RABGAP1: variants seen among roughly 807,000 people sequenced by gnomAD.
RABGAP1 encodes RAB GTPase activating protein 1.
In RABGAP1, 23 loss-of-function variants were observed where a neutral mutation model predicts 137.6. The observed-to-expected ratio is 0.17, with a 90% CI of 0.12 to 0.24. RABGAP1 has a LOEUF of 0.24. Ranked by LOEUF, RABGAP1 falls within the 10% of genes least tolerant of loss-of-function variation. The pLI, the probability that RABGAP1 is intolerant of heterozygous loss-of-function variation, is 1.00. For synonymous variants in RABGAP1, 451 were observed against 450.7 expected, an observed-to-expected ratio of 1.00 and a Z score of -0.01; for missense variants, 906 against 1,275.8, an observed-to-expected ratio of 0.71 and a Z score of 4.42.
chr9:122,946,404 A>G (rs1833951309), intron 1 of RABGAP1, among the ~76,000 whole-genome samples: 1 of 152,194 alleles, frequency 6.6e-6, no homozygotes, highest in Non-Finnish European at 1.5e-5. Flanking sequence ...GTAGATGAGA[A>G]GGAACTATAT....
At chr9:123,030,247 T>C (rs2032223413) in intron 13 of RABGAP1, among the ~76,000 whole-genome samples, 1 of 152,196 alleles carries the variant, frequency 6.6e-6, no homozygotes, top group Non-Finnish European at 1.5e-5. Flanking sequence ...GAAGGAATGT[T>C]GCTCTGATGG....
chr9:122,947,700 T>A (rs1471071072), intron 1 of RABGAP1, among the ~76,000 whole-genome samples: 1 of 152,216 alleles, frequency 6.6e-6, no homozygotes, highest in African/African-American at 2.4e-5. Context: ...AGCTAGTTTT[T>A]CTTGCCTTTA....
chr9:123,102,191 G>C (rs1324181946), intron 25 of RABGAP1, among the ~76,000 whole-genome samples: 1 of 152,160 alleles, frequency 6.6e-6, no homozygotes, highest in Non-Finnish European at 1.5e-5. Flanking sequence ...AATGTCGGGG[G>C]CTTTATAAAT....
At chr9:122,972,786 A>G (rs1835536725) in intron 2 of RABGAP1, among the ~76,000 whole-genome samples, 1 of 152,114 alleles carries the variant, frequency 6.6e-6, no homozygotes, top group Admixed American at 6.6e-5. Flanking sequence ...GGAGTTGGTA[A>G]TGCTTTACGT....
At chr9:123,058,228 A>G (rs1331664395) in intron 13 of RABGAP1, among the ~76,000 whole-genome samples, 1 of 152,202 alleles carries the variant, frequency 6.6e-6, no homozygotes, top group Non-Finnish European at 1.5e-5. Context: ...TGGCAGAGTA[A>G]ATTATGGTAT....
At chr9:123,026,005 C>CTTT (rs59188440) in intron 13 of RABGAP1, among the ~76,000 whole-genome samples, 4 of 117,170 alleles carry the variant, frequency 3.4e-5, no homozygotes, top group East Asian at 4.5e-4. Context: ...AAAACATATT[C>CTTT]TTTTTTTTTT....
the RABGAP1 span, among the ~76,000 whole-genome samples, chr9:122,934,065 CCTTTT>C: frequency 4.6e-4 from 69 of 151,226 alleles, no homozygotes; most frequent in African/African-American, 1.1e-3. Context: ...CTTTTCCTAA[CCTTTT>C]CTTTTCTTTT....
At chr9:123,015,134 A>G (rs964301482) in intron 11 of RABGAP1, among the ~76,000 whole-genome samples, 3 of 152,180 alleles carry the variant, frequency 2.0e-5, no homozygotes, top group South Asian at 2.1e-4. Context: ...AATTTCTTCA[A>G]CCATTCTCTA....
intron 2 of RABGAP1, among the ~76,000 whole-genome samples, chr9:122,957,434 A>G (rs900212021): frequency 4.6e-5 from 7 of 152,198 alleles, no homozygotes; most frequent in African/African-American, 1.7e-4. Flanking sequence ...AAGTGTCAAA[A>G]CTAGTGGTTA....
At chr9:122,943,072 CTTTTTTTTTTTTTTTTT>C (rs10582436) in intron 1 of RABGAP1, among the ~76,000 whole-genome samples, 2 of 116,220 alleles carry the variant, frequency 1.7e-5, no homozygotes. Context: ...GGTGCACTTT[CTTTTTTTTTTTTTTTTT>C]TTTTTTTTTT....
At chr9:123,084,765 T>C (rs1277851568) in intron 19 of RABGAP1, among the ~76,000 whole-genome samples, 2 of 152,190 alleles carry the variant, frequency 1.3e-5, no homozygotes, top group Non-Finnish European at 2.9e-5. Context: ...TCTGAGGACT[T>C]TATATATATT....
chr9:122,947,693 T>C (rs140115667), intron 1 of RABGAP1, among the ~76,000 whole-genome samples: 1 of 152,312 alleles, frequency 6.6e-6, no homozygotes, highest in East Asian at 1.9e-4. Context: ...TTAGATAAGC[T>C]AGTTTTTCTT....
intron 22 of RABGAP1, 112 bp from the exon 23 acceptor site, chr9:123,098,603 C>G: frequency 1.3e-6 from 1 of 756,538 alleles, no homozygotes; most frequent in Non-Finnish European, 2.2e-6. Flanking sequence ...AATTAGAGGA[C>G]TTCCAGGGTT....
Position 123,070,507 on chromosome 9 carries a change from T to C in RABGAP1, c.1983+83T>C. 6.2e-7 allele frequency: 1 copy of C among 1,603,828 alleles called. No individual in the cohort carries two copies. The highest frequency in any genetic ancestry group is 8.5e-7 in the Non-Finnish European group (1 of 1,175,778). On this transcript the variant is annotated intron_variant, in intron 15 of 25. Transcript: ENST00000373647. The surrounding 1 kb of genome is among the most constrained non-coding windows in gnomAD (Gnocchi z 4.4). ...CCTTAGGCTTGAGCATGGTTTTATA[T>C]TGGGTTTGGACAGACTCTTAAGGCA...
chr9:123,072,056 C>G (rs922402785), intron 15 of RABGAP1, among the ~76,000 whole-genome samples: 2 of 151,222 alleles, frequency 1.3e-5, no homozygotes, highest in East Asian at 3.9e-4. Flanking sequence ...TTGAGTATCC[C>G]TTATTTGAAA....
chr9:122,980,375 G>C (rs1835981901), intron 2 of RABGAP1, among the ~76,000 whole-genome samples: 1 of 152,144 alleles, frequency 6.6e-6, no homozygotes, highest in South Asian at 2.1e-4. Context: ...CTCCTGAGTA[G>C]CTGGGACTAC....
intron 19 of RABGAP1, among the ~76,000 whole-genome samples, chr9:123,080,955 C>T (rs1025267449): frequency 3.3e-5 from 5 of 152,076 alleles, no homozygotes; most frequent in Non-Finnish European, 5.9e-5. Context: ...TGCCTCCTGT[C>T]TCCCCTTCTA....
At chr9:123,093,473 G>C (rs1370620023) in intron 21 of RABGAP1, among the ~76,000 whole-genome samples, 1 of 152,240 alleles carries the variant, frequency 6.6e-6, no homozygotes, top group East Asian at 1.9e-4. Context: ...ACAGACATGA[G>C]AGTGAAGGAA....
At chr9:123,072,893 T>C (rs904389652) in intron 15 of RABGAP1, among the ~76,000 whole-genome samples, 2 of 152,184 alleles carry the variant, frequency 1.3e-5, no homozygotes, top group African/African-American at 4.8e-5. Context: ...GCTTCTTTTT[T>C]CTCTTTTGAA....
Sources: gnomAD v4.1 joint callset for allele counts (sites outside exome capture counted in the v4.1 genomes callset) on GRCh38, gnomAD v4.1.1 for gene constraint, Gnocchi (gnomAD v3.1) non-coding constraint, MANE v1.5 for transcripts, NCBI Gene and HGNC (gene_info 2026-07-23, HGNC 2026-07-21) for gene names.